Variants in COL4A3 observed in about 807,000 individuals in gnomAD.
COL4A3 encodes the protein collagen alpha-3(IV) chain.
Under a neutral mutation model 217.4 loss-of-function variants are expected in COL4A3, and 135 were observed. The observed-to-expected ratio is 0.62, with a 90% CI of 0.54 to 0.72. The LOEUF (loss-of-function observed/expected upper bound fraction) is 0.72, where lower values mean the gene tolerates loss of function less well. Among genes scored for constraint, COL4A3 ranks in the 30% least tolerant of loss-of-function variants. The probability of loss-of-function intolerance (pLI) is 0.00; values close to 1 mark genes in which losing one functional copy is unlikely to be tolerated. For synonymous variants in COL4A3, 690 were observed against 736.3 expected, an observed-to-expected ratio of 0.94 and a Z score of 1.02; for missense variants, 1,868 against 2,119.9, an observed-to-expected ratio of 0.88 and a Z score of 2.33.
chr2:227,290,133 T>C, intron 36 of COL4A3, 45 bp downstream of exon 36: 1 of 1,546,124 alleles, frequency 6.5e-7, no homozygotes, highest in Non-Finnish European at 8.9e-7. Context: ...TCATGATGGG[T>C]GAGGACTCCA....
At chr2:227,195,849 T>C (rs76883930) in intron 1 of COL4A3, among the ~76,000 whole-genome samples, 42,641 of 151,580 alleles carry the variant, frequency 0.28, 6,666 homozygotes, top group East Asian at 0.43. Context: ...GACAGTAGTA[T>C]TGATGATCCC....
At chr2:227,165,541 T>G (rs1381612167) in intron 1 of COL4A3, among the ~76,000 whole-genome samples, 3 of 152,230 alleles carry the variant, frequency 2.0e-5, no homozygotes, top group Non-Finnish European at 4.4e-5. Flanking sequence ...TCAAAACGAT[T>G]GTGCCTCCTA....
chr2:227,215,719 A>G (rs1285587021), intron 1 of COL4A3, among the ~76,000 whole-genome samples: 13 of 152,116 alleles, frequency 8.5e-5, no homozygotes, highest in Non-Finnish European at 1.9e-4. Context: ...TCGGCCTCCC[A>G]AAGTGTTGGG....
At position 227,307,838 on chromosome 2, in the gene COL4A3, C is replaced by A. The variant is rs767367726; in HGVS notation, c.4381C>A (p.Pro1461Thr). 6.2e-6 allele frequency: 10 copies of A among 1,614,114 alleles called. No homozygotes were observed. The highest frequency in any genetic ancestry group is 7.6e-6 in the Non-Finnish European group (9 of 1,180,004). Residue 1461 changes from proline to threonine, a missense_variant, in exon 48 of 52, where the codon CCA (proline) becomes ACA (threonine). Pro to Thr is a conservative substitution (Grantham distance 38). Coordinates refer to ENST00000396578, the MANE Select transcript of COL4A3 (RefSeq NM_000091.5). Reference protein sequence around the residue: ...HSQTTAIPSCPEGTVPLYSGF... With the variant: ...HSQTTAIPSCTEGTVPLYSGF... The stretch of plus-strand genomic sequence containing the variant: ...TCAAACCACAGCAATTCCTTCATGT[C>A]CAGAGGGGACAGTGCCACTCTACAG...
chr2:227,178,156 C>T (rs1228848241), intron 1 of COL4A3, among the ~76,000 whole-genome samples: 1 of 152,154 alleles, frequency 6.6e-6, no homozygotes, highest in African/African-American at 2.4e-5. Flanking sequence ...AAAAAGTTCA[C>T]TGTATTACCC....
intron 1 of COL4A3, among the ~76,000 whole-genome samples, chr2:227,200,925 C>T (rs2066661270): frequency 2.0e-5 from 3 of 152,152 alleles, no homozygotes; most frequent in Non-Finnish European, 4.4e-5. Context: ...TTTTGCTTTG[C>T]ATTTATTCCA....
rs746766677 is a variant in COL4A3, at chr2:227,284,342, A to G, written c.2878A>G (p.Lys960Glu). The change falls in exon 34 of 52, where the codon AAA becomes GAA. Residue 960 changes from lysine to glutamate, a missense_variant. This residue lies in a region of COL4A3 where 1,503 missense variants were observed against 1,786.1 expected (regional missense o/e 0.84). Coordinates refer to ENST00000396578, the MANE Select transcript of COL4A3 (RefSeq NM_000091.5). The stretch of plus-strand genomic sequence containing the variant: ...AGGGGACAAAGGAGAACCAGGTCTC[A>G]AAGGTAAAGAATTGCTTGTTTGGAA... ...VIGDKGEPGL[K>E]GFAGNPGEKG... 2 of 1,613,318 alleles carry G rather than the reference A, an allele frequency of 1.2e-6. No individual in the cohort carries two copies. The highest frequency in any genetic ancestry group is 2.2e-5 in the South Asian group (2 of 90,810).
chr2:227,299,770 G>A (rs1450490258), intron 43 of COL4A3, among the ~76,000 whole-genome samples: 2 of 152,094 alleles, frequency 1.3e-5, no homozygotes, highest in East Asian at 3.9e-4. Flanking sequence ...CCTCTAAGAG[G>A]CCTCCAAAAC....
intron 18 of COL4A3, 151 bp downstream of exon 18, chr2:227,257,795 C>T: frequency 1.3e-6 from 1 of 751,372 alleles, no homozygotes; most frequent in Middle Eastern, 2.5e-4. Flanking sequence ...TAGCTGGTCA[C>T]TATGTGTCCC....
At chr2:227,238,226 T>C (rs989192692) in intron 2 of COL4A3, 11 of 448,310 alleles carry the variant, frequency 2.5e-5, no homozygotes, top group Non-Finnish European at 4.5e-5. Flanking sequence ...ATACCTTGTA[T>C]ATACAATGGC....
chr2:227,297,166 TCTGGATTTAG>T (rs2073063778), intron 41 of COL4A3, among the ~76,000 whole-genome samples: 1 of 152,246 alleles, frequency 6.6e-6, no homozygotes, highest in African/African-American at 2.4e-5. Context: ...TGCTCCTTTG[TCTGGATTTAG>T]CTGGATAATA....
At chr2:227,249,946 T>C (rs1301446519) in intron 9 of COL4A3, among the ~76,000 whole-genome samples, 1 of 152,148 alleles carries the variant, frequency 6.6e-6, no homozygotes, top group Non-Finnish European at 1.5e-5. Flanking sequence ...ACAAGAAATA[T>C]TTTTTACCTG....
At chr2:227,206,853 A>T (rs905804036) in intron 1 of COL4A3, among the ~76,000 whole-genome samples, 1 of 152,210 alleles carries the variant, frequency 6.6e-6, no homozygotes, top group Non-Finnish European at 1.5e-5. Context: ...ATTCTTTATC[A>T]TCACCCCATT....
At chr2:227,269,788 T>C in intron 23 of COL4A3, 122 bp from the exon 24 acceptor site, 1 of 771,120 alleles carries the variant, frequency 1.3e-6, no homozygotes, top group Non-Finnish European at 2.3e-6. Context: ...TTATGTTTTA[T>C]GATAGAAGTT....
At chr2:227,252,586 GC>G (rs2069833574) in intron 11 of COL4A3, among the ~76,000 whole-genome samples, 1 of 146,280 alleles carries the variant, frequency 6.8e-6, no homozygotes, top group African/African-American at 2.6e-5. Context: ...ACACACAAAT[GC>G]ACACACACAC....
chr2:227,225,467 G>A (rs941921025), intron 1 of COL4A3, among the ~76,000 whole-genome samples: 2 of 152,150 alleles, frequency 1.3e-5, no homozygotes, highest in South Asian at 2.1e-4. Flanking sequence ...CATGTCTCTC[G>A]ATAAGATTAG....
At chr2:227,269,881 G>A (rs970782659) in intron 23 of COL4A3, 29 bp from the exon 24 acceptor site, 1 of 1,599,268 alleles carries the variant, frequency 6.3e-7, no homozygotes, top group Non-Finnish European at 8.6e-7. Flanking sequence ...GTTCAATGAG[G>A]AGTTAGTTAA....
In COL4A3 at chr2:227,311,895, T is replaced by C; in HGVS notation, c.*25T>C. The C allele has an allele frequency of 6.2e-7, 1 of 1,613,408 alleles. No homozygotes were observed. The highest frequency in any genetic ancestry group is 8.5e-7 in the Non-Finnish European group (1 of 1,179,616). The stretch of plus-strand genomic sequence containing the variant: ...AAGCTAAAAAAGACAGCAGAACTGC[T>C]ATTTTTCATCCTAAAGAACAAAGTA... On this transcript the variant is annotated 3_prime_UTR_variant, in exon 52 of 52. Transcript: ENST00000396578.
intron 1 of COL4A3, among the ~76,000 whole-genome samples, chr2:227,184,320 T>C (rs548389014): frequency 6.6e-6 from 1 of 152,220 alleles, no homozygotes; most frequent in Non-Finnish European, 1.5e-5. Flanking sequence ...AATTATTGCT[T>C]ATCAGCAAAC....
Sources: allele counts gnomAD v4.1 joint callset (sites outside exome capture counted in the v4.1 genomes callset), GRCh38; gene constraint gnomAD v4.1.1; regional missense constraint gnomAD v4.1.1; transcripts MANE v1.5; gene names NCBI Gene and HGNC (gene_info 2026-07-23, HGNC 2026-07-21).